The following PCDH11Y variants were observed in gnomAD, a reference collection of about 807,000 sequenced individuals.
The protein encoded by PCDH11Y is protocadherin 11 Y-linked.
For missense variants in PCDH11Y, 12 were observed against 224.8 expected, an observed-to-expected ratio of 0.05 and a Z score of 6.05; for synonymous variants, 9 against 83.6, an observed-to-expected ratio of 0.11 and a Z score of 4.87.
intron 2 of PCDH11Y, among the ~76,000 whole-genome samples, chrY:5,139,648 CAAA>C (rs3884264): frequency 2.1e-4 from 1 of 4,663 alleles, no homozygotes; most frequent in African/African-American, 6.9e-4. Flanking sequence ...ACAGCAGCTG[CAAA>C]AAAAAAAAAA....
chrY:5,505,763 C>T (rs2053358476), intron 3 of PCDH11Y, among the ~76,000 whole-genome samples: 1 of 32,105 alleles, frequency 3.1e-5, no homozygotes, highest in Non-Finnish European at 7.8e-5. Context: ...CTTTCCCTGG[C>T]AAGGCACTTT....
intron 2 of PCDH11Y, among the ~76,000 whole-genome samples, chrY:5,421,295 G>C: frequency 3.4e-5 from 1 of 29,107 alleles, no homozygotes; most frequent in Non-Finnish European, 8.2e-5. Context: ...CTCAGGACCA[G>C]ATGTGTTTAC....
intron 2 of PCDH11Y, among the ~76,000 whole-genome samples, chrY:5,112,202 G>T: frequency 1.2e-4 from 4 of 32,974 alleles, no homozygotes; most frequent in African/African-American, 4.7e-4. Context: ...AGTACATTCT[G>T]TATGTGTCCT....
At chrY:5,553,910 TG>T (rs2053421237) in intron 3 of PCDH11Y, among the ~76,000 whole-genome samples, 3 of 31,047 alleles carry the variant, frequency 9.7e-5, no homozygotes, top group Non-Finnish European at 2.3e-4. Context: ...ACCAGTAGAG[TG>T]GGGTGCTGCT....
At chrY:5,716,160 C>T in intron 4 of PCDH11Y, among the ~76,000 whole-genome samples, 1 of 32,935 alleles carries the variant, frequency 3.0e-5, no homozygotes, top group African/African-American at 1.2e-4. Context: ...AAAGCCTTTC[C>T]TCTAAGATTT....
intron 2 of PCDH11Y, among the ~76,000 whole-genome samples, chrY:5,194,513 C>T (rs1602883995): frequency 6.6e-5 from 2 of 30,318 alleles, no homozygotes; most frequent in African/African-American, 1.3e-4. Flanking sequence ...GTGGAGAGTG[C>T]GGCCTAGAAT....
chrY:5,561,759 CG>C (rs2053428968), intron 3 of PCDH11Y, among the ~76,000 whole-genome samples: 1 of 19,397 alleles, frequency 5.2e-5, no homozygotes, highest in Non-Finnish European at 1.2e-4. Flanking sequence ...TCAGGTATGT[CG>C]TTATTAGCAG....
intron 2 of PCDH11Y, among the ~76,000 whole-genome samples, chrY:5,464,760 C>T: frequency 3.2e-5 from 1 of 31,422 alleles, no homozygotes; most frequent in Non-Finnish European, 7.7e-5. Flanking sequence ...TATGGATTCT[C>T]TTGGCTTTCC....
intron 1 of PCDH11Y, among the ~76,000 whole-genome samples, chrY:5,064,520 C>A (rs2052681730): frequency 3.6e-5 from 1 of 27,565 alleles, no homozygotes; most frequent in Non-Finnish European, 8.4e-5. Context: ...AATGAGTGCT[C>A]AATGTACAAA....
At chrY:5,195,782 A>G (rs1427164739) in intron 2 of PCDH11Y, among the ~76,000 whole-genome samples, 1 of 32,944 alleles carries the variant, frequency 3.0e-5, no homozygotes, top group East Asian at 7.9e-4. Context: ...TACAAAAAAA[A>G]AGAAGAAACT....
chrY:5,404,413 A>C, intron 2 of PCDH11Y, among the ~76,000 whole-genome samples: 1 of 33,508 alleles, frequency 3.0e-5, no homozygotes, highest in African/African-American at 1.2e-4. Context: ...ATTATGAATC[A>C]AATTAGTGAG....
At chrY:5,256,964 A>G in intron 2 of PCDH11Y, among the ~76,000 whole-genome samples, 2 of 33,341 alleles carry the variant, frequency 6.0e-5, no homozygotes, top group African/African-American at 2.3e-4. Context: ...TTTTCCAAGT[A>G]TAAGATCATA....
intron 3 of PCDH11Y, among the ~76,000 whole-genome samples, chrY:5,502,597 T>C: frequency 3.0e-5 from 1 of 32,965 alleles, no homozygotes; most frequent in East Asian, 7.9e-4. Context: ...TAGAAATACA[T>C]AGTTGTGATT....
intron 2 of PCDH11Y, among the ~76,000 whole-genome samples, chrY:5,374,211 T>C: frequency 3.3e-5 from 1 of 29,965 alleles, no homozygotes; most frequent in Non-Finnish European, 8.0e-5. Context: ...AGCAACTGAA[T>C]CAGATTTAGA....
chrY:5,133,281 G>C, intron 2 of PCDH11Y, among the ~76,000 whole-genome samples: 1 of 31,594 alleles, frequency 3.2e-5, no homozygotes, highest in African/African-American at 1.2e-4. Flanking sequence ...CATATGTCTA[G>C]CCACTTAAAT....
At chrY:5,106,287 A>AT (rs2052792068), downstream of PCDH11Y, among the ~76,000 whole-genome samples, 1 of 29,855 alleles carries the variant, frequency 3.3e-5, no homozygotes, top group African/African-American at 1.3e-4. Context: ...ATTATGTATC[A>AT]TTTTACCTTT....
At chrY:5,009,627 G>A (rs2052544877) in intron 1 of PCDH11Y, among the ~76,000 whole-genome samples, 1 of 34,060 alleles carries the variant, frequency 2.9e-5, no homozygotes, top group African/African-American at 1.2e-4. Context: ...CTCTATGCCA[G>A]GGCATATGTG....
chrY:5,066,103 T>G (rs2124629792), intron 1 of PCDH11Y, among the ~76,000 whole-genome samples: 24 of 27,509 alleles, frequency 8.7e-4, no homozygotes, highest in African/African-American at 3.1e-3. Context: ...AGCAGAAGAT[T>G]TGCTATAACA....
At chrY:5,082,616 G>T (rs2052722962) in intron 1 of PCDH11Y, among the ~76,000 whole-genome samples, 1 of 33,233 alleles carries the variant, frequency 3.0e-5, no homozygotes, top group East Asian at 7.9e-4. Context: ...TTTTGGGAGG[G>T]TGTATATTTC....
Sources: gnomAD v4.1 joint callset for allele counts (sites outside exome capture counted in the v4.1 genomes callset) on GRCh38, gnomAD v4.1.1 for gene constraint, MANE v1.5 for transcripts, NCBI Gene and HGNC (gene_info 2026-07-23, HGNC 2026-07-21) for gene names.